ASMTL: variants seen among roughly 807,000 people sequenced by gnomAD.
ASMTL encodes the protein acetylserotonin O-methyltransferase like.
Under a neutral mutation model 60.3 loss-of-function variants are expected in ASMTL, and 57 were observed. The observed-to-expected ratio is 0.95, with a 90% CI of 0.76 to 1.18. The LOEUF is 1.18. ASMTL is among the 50% of genes most tolerant of loss of function. The pLI is 0.00. For missense variants in ASMTL, 981 were observed against 852.6 expected, an observed-to-expected ratio of 1.15 and a Z score of -1.88; for synonymous variants, 419 against 373.0, an observed-to-expected ratio of 1.12 and a Z score of -1.42.
chrX:1,414,957 T>C (rs1391134857), intron 11 of ASMTL, among the ~76,000 whole-genome samples: 1 of 151,632 alleles, frequency 6.6e-6, no homozygotes, highest in Non-Finnish European at 1.5e-5. Flanking sequence ...TTTATTTTTT[T>C]TGAGATGGAG....
chrX:1,427,843 C>A lies in ASMTL; in HGVS notation c.788G>T (p.Gly263Val), dbSNP rs1335730183. The A allele has an allele frequency of 4.3e-6, 7 of 1,613,306 alleles. No individual in the cohort carries two copies. Among genetic ancestry groups the A allele is most frequent in the Non-Finnish European group, 5.9e-6 (7 of 1,179,870 alleles). Residue 263 changes from glycine to valine, a missense_variant, in exon 7 of 13, where the codon GGA becomes GTA. By Grantham distance (109) the Gly-to-Val change is moderately radical. Transcript: ENST00000381317. ...AGSRDEKAEA[G>V]EAGQATAEAE... ...CTCTGCCGTGGCCTGTCCCGCCTCT[C>A]CCGCCTCGGCCTTCTCATCGCGGCT...
intron 11 of ASMTL, chrX:1,413,941 G>T (rs2090136554): frequency 6.6e-6 from 1 of 150,562 alleles, no homozygotes; most frequent in South Asian, 2.1e-4. Flanking sequence ...GTTGGGTGGT[G>T]ACGTCCAAAA....
At chrX:1,433,368 T>C (rs1351031101) in intron 5 of ASMTL, among the ~76,000 whole-genome samples, 1 of 151,056 alleles carries the variant, frequency 6.6e-6, no homozygotes, top group African/African-American at 2.4e-5. Context: ...CCTGGCCTTT[T>C]AAGAGACCCA....
chrX:1,412,084 G>A lies in ASMTL; in HGVS notation c.1645+648C>T, dbSNP rs764908705. Among the ~76,000 whole-genome samples the A allele has an allele frequency of 1.9e-3, 284 of 150,006 alleles. 3 individuals are homozygous for A. The highest frequency in any genetic ancestry group is 6.7e-3 in the African/African-American group (273 of 40,808). Reference sequence around the variant, plus strand: ...CGCCCGCCTCGGCCTCCCGAAGTGCGGGGATGACAGGCGTGAGCCACCACA... The same window carrying A: ...CGCCCGCCTCGGCCTCCCGAAGTGCAGGGATGACAGGCGTGAGCCACCACA... On this transcript the variant is annotated intron_variant, in intron 12 of 12. Coordinates refer to ENST00000381317, the MANE Select transcript of ASMTL (RefSeq NM_004192.4).
chrX:1,406,201 G>T (rs1208049479), intron 12 of ASMTL, among the ~76,000 whole-genome samples: 1 of 148,750 alleles, frequency 6.7e-6, no homozygotes, highest in Non-Finnish European at 1.5e-5. Flanking sequence ...ATGAATGGAT[G>T]GATGAGATGG....
intron 9 of ASMTL, among the ~76,000 whole-genome samples, chrX:1,419,771 G>A (rs767970294): frequency 2.6e-5 from 4 of 152,246 alleles, no homozygotes; most frequent in South Asian, 4.1e-4. Context: ...CCTAAATCTC[G>A]CGGGGGCTCC....
At chrX:1,451,538 G>A (rs1478892423) in intron 1 of ASMTL, among the ~76,000 whole-genome samples, 3 of 147,308 alleles carry the variant, frequency 2.0e-5, no homozygotes, top group African/African-American at 7.6e-5. Context: ...ATCCCTAGGG[G>A]GTCCCAGGTT....
Position 1,435,069 on chromosome X carries a change from T to C in ASMTL, c.353A>G (p.Glu118Gly). 1 of 1,613,908 alleles carries C rather than the reference T, an allele frequency of 6.2e-7. No individual in the cohort carries two copies. Among genetic ancestry groups the C allele is most frequent in the Non-Finnish European group, 8.5e-7 (1 of 1,179,846 alleles). Reference protein sequence around the residue: ...YRMLSRLSGREHSVFTGVAIV... With the variant: ...YRMLSRLSGRGHSVFTGVAIV... ...CGCGACACCTGTGAACACGCTGTGT[T>C]CTCTCCCACTCAACCTGTAAGACAA... The change falls in exon 5 of 13, where the codon GAA (glutamate) becomes GGA (glycine). Residue 118 changes from glutamate (E) to glycine (G), a missense_variant. By Grantham distance (98) the Glu-to-Gly change is moderately conservative. Transcript: ENST00000381317.
chrX:1,410,553 A>T (rs1277622879), intron 12 of ASMTL, among the ~76,000 whole-genome samples: 3 of 151,948 alleles, frequency 2.0e-5, no homozygotes, highest in Admixed American at 6.6e-5. Flanking sequence ...AGCTAGAATT[A>T]GAGGCGTGCA....
intron 2 of ASMTL, 149 bp downstream of exon 2, chrX:1,442,037 A>G: frequency 1.2e-6 from 1 of 837,772 alleles, no homozygotes; most frequent in South Asian, 1.6e-5. Flanking sequence ...GCAATAGTGC[A>G]TTACATTATA....
intron 11 of ASMTL, among the ~76,000 whole-genome samples, chrX:1,416,868 T>C (rs2090299818): frequency 7.1e-6 from 1 of 140,186 alleles, no homozygotes; most frequent in South Asian, 2.3e-4. Context: ...TGTACACATA[T>C]ATCCACAGAC....
rs775577406 is a variant in ASMTL at position 1,442,334 on chromosome X, G to C, written c.94-17C>G. 2 of 1,613,718 alleles carry C rather than the reference G, an allele frequency of 1.2e-6. No homozygotes were observed. The highest frequency in any genetic ancestry group is 1.7e-6 in the Non-Finnish European group (2 of 1,179,806). ...CCTGAGACCCTGCAACAGTAGAAAA[G>C]GGGTCAGAAGGGTCAATGAAAGACC... On this transcript the variant is annotated splice_polypyrimidine_tract_variant and intron_variant, in intron 1 of 12. Transcript: ENST00000381317.
chrX:1,412,231 T>C (rs1210233024), intron 12 of ASMTL, among the ~76,000 whole-genome samples: 1 of 151,918 alleles, frequency 6.6e-6, no homozygotes, highest in Non-Finnish European at 1.5e-5. Flanking sequence ...TTTTTTGTTG[T>C]GGTTGTTCTT....
At chrX:1,433,148 C>T (rs771136114) in intron 5 of ASMTL, among the ~76,000 whole-genome samples, 12 of 152,052 alleles carry the variant, frequency 7.9e-5, no homozygotes, top group South Asian at 2.1e-4. Flanking sequence ...CCTCAGGGTC[C>T]GGACACAGAG....
At chrX:1,450,177 C>T (rs1382391645) in intron 1 of ASMTL, among the ~76,000 whole-genome samples, 1 of 151,934 alleles carries the variant, frequency 6.6e-6, no homozygotes, top group African/African-American at 2.4e-5. Flanking sequence ...CAGTAACTAC[C>T]CCCCATCACA....
At chrX:1,415,847 C>CA (rs2090226207) in intron 11 of ASMTL, among the ~76,000 whole-genome samples, 1 of 151,814 alleles carries the variant, frequency 6.6e-6, no homozygotes, top group South Asian at 2.1e-4. Flanking sequence ...GACGCACAGA[C>CA]ACAGACACAG....
intron 11 of ASMTL, among the ~76,000 whole-genome samples, chrX:1,417,034 G>GAC (rs370554447): frequency 0.91 from 138,340 of 151,482 alleles, 64,197 homozygotes; most frequent in East Asian, 1. Flanking sequence ...CAGAGACACA[G>GAC]ACACAAGCAC....
intron 6 of ASMTL, among the ~76,000 whole-genome samples, chrX:1,429,374 T>A (rs1336002990): frequency 6.6e-6 from 1 of 151,950 alleles, no homozygotes; most frequent in African/African-American, 2.4e-5. Context: ...GTTTTATCAT[T>A]TTTTATAAAG....
At chrX:1,406,907 CATAG>C (rs1250595032) in intron 12 of ASMTL, among the ~76,000 whole-genome samples, 15 of 113,714 alleles carry the variant, frequency 1.3e-4, no homozygotes, top group East Asian at 5.3e-4. Context: ...ATGATGGGTA[CATAG>C]ATAGATGAAT....
Sources: allele counts gnomAD v4.1 joint callset (sites outside exome capture counted in the v4.1 genomes callset), GRCh38; gene constraint gnomAD v4.1.1; transcripts MANE v1.5; gene names NCBI Gene and HGNC (gene_info 2026-07-23, HGNC 2026-07-21).